CRYL1: variants seen among roughly 807,000 people sequenced by gnomAD.
CRYL1 encodes lambda-crystallin homolog.
Under a neutral mutation model 36.6 loss-of-function variants are expected in CRYL1, and 29 were observed. The observed-to-expected ratio is 0.79, with a 90% CI of 0.59 to 1.08. CRYL1 has a LOEUF of 1.08. CRYL1 is among the 50% of genes least tolerant of loss of function. The pLI is 0.00. For synonymous variants in CRYL1, 152 were observed against 151.5 expected, an observed-to-expected ratio of 1.00 and a Z score of -0.02; for missense variants, 411 against 407.9, an observed-to-expected ratio of 1.01 and a Z score of -0.06.
At chr13:20,471,339 G>A (rs578206450) in intron 3 of CRYL1, among the ~76,000 whole-genome samples, 26 of 152,274 alleles carry the variant, frequency 1.7e-4, no homozygotes, top group Admixed American at 3.9e-4. Context: ...TTGGGAGGCC[G>A]AGGCAGGTGG....
intron 1 of CRYL1, among the ~76,000 whole-genome samples, chr13:20,518,773 G>A (rs2034045619): frequency 2.0e-5 from 3 of 152,142 alleles, no homozygotes; most frequent in Admixed American, 2.0e-4. Flanking sequence ...AGGGGGTGCT[G>A]GAAAGGGGTC....
rs2031914923 is a variant in CRYL1 at position 20,425,559 on chromosome 13, T to G, written c.633+6543A>C. Reference sequence around the variant, plus strand: ...GAGATGGCACCTTCCTGGGTATTCATGCAGAGGTGGAGAACTAGACCCATA... The same window carrying G: ...GAGATGGCACCTTCCTGGGTATTCAGGCAGAGGTGGAGAACTAGACCCATA... On this transcript the variant is annotated intron_variant, in intron 5 of 7. Coordinates refer to ENST00000298248, the MANE Select transcript of CRYL1 (RefSeq NM_015974.3). The surrounding 1 kb of genome is among the most constrained non-coding windows in gnomAD (Gnocchi z 4.4). Among the ~76,000 whole-genome samples, 1 of 152,162 alleles carries G rather than the reference T, an allele frequency of 6.6e-6. No homozygotes were observed. The highest frequency in any genetic ancestry group is 1.5e-5 in the Non-Finnish European group (1 of 68,038).
Position 20,445,065 on chromosome 13 carries a change from GA to G in CRYL1, c.277-5312del, listed in dbSNP as rs200600502. Among the ~76,000 whole-genome samples, 245 of 152,242 alleles carry G rather than the reference GA, an allele frequency of 1.6e-3. 11 individuals carry two copies. The East Asian group carries it at 0.045, about 28-fold the overall frequency. On this transcript the variant is annotated intron_variant, in intron 3 of 7. Coordinates refer to ENST00000298248, the MANE Select transcript of CRYL1 (RefSeq NM_015974.3). ...GGGAATAGCACGAAACATAAAATTGGAGACCCTTTAAGTAAAGAGTGAGTTT... is the reference window on the plus strand; with the variant it reads ...GGGAATAGCACGAAACATAAAATTGGGACCCTTTAAGTAAAGAGTGAGTTT...
chr13:20,497,012 G>A (rs916539204), intron 2 of CRYL1, among the ~76,000 whole-genome samples: 1 of 152,106 alleles, frequency 6.6e-6, no homozygotes, highest in African/African-American at 2.4e-5. Context: ...TAAGGAAAAT[G>A]CCAACGAAAA....
chr13:20,494,270 G>A (rs1271292737), intron 2 of CRYL1, among the ~76,000 whole-genome samples: 2 of 152,228 alleles, frequency 1.3e-5, no homozygotes, highest in South Asian at 2.1e-4. Context: ...GGAGGAATAA[G>A]TGAGATGTTT....
At chr13:20,469,825 C>T (rs1260627059) in intron 3 of CRYL1, among the ~76,000 whole-genome samples, 1 of 152,202 alleles carries the variant, frequency 6.6e-6, no homozygotes, top group East Asian at 1.9e-4. Context: ...CATGGGAAGG[C>T]TTGCTGGCAA....
chr13:20,468,708 T>C lies in CRYL1; in HGVS notation c.276+20662A>G, dbSNP rs4495976. ...GCAACCTCTGCCTCCCGGGTTCGAG[T>C]GATTCTCCTGCCTCAGCCTCCTGAG... is the stretch of plus-strand genomic sequence containing the variant. On this transcript the variant is annotated intron_variant, in intron 3 of 7. Transcript: ENST00000298248. Among the ~76,000 whole-genome samples the C allele has an allele frequency of 0.82, 125,259 of 152,116 alleles. 51,710 individuals are homozygous for C. The highest frequency in any genetic ancestry group is 0.87 in the Admixed American group (13,263 of 15,274).
At chr13:20,493,763 C>T (rs958016712) in intron 2 of CRYL1, among the ~76,000 whole-genome samples, 2 of 152,100 alleles carry the variant, frequency 1.3e-5, no homozygotes, top group African/African-American at 2.4e-5. Flanking sequence ...AAACACAGCC[C>T]GTAGTGGAGT....
intron 5 of CRYL1, among the ~76,000 whole-genome samples, chr13:20,427,911 G>A (rs1388901210): frequency 1.3e-5 from 2 of 151,544 alleles, no homozygotes; most frequent in Non-Finnish European, 2.9e-5. Flanking sequence ...TAAGTTCAAC[G>A]ACTTAGAAGA....
rs770589793 is a variant in CRYL1 at position 20,432,100 on chromosome 13, A to C, written c.633+2T>G. On this transcript the variant is annotated splice_donor_variant, in intron 5 of 7. Coordinates refer to ENST00000298248, the MANE Select transcript of CRYL1 (RefSeq NM_015974.3). LOFTEE classifies it high-confidence loss of function. ...GGAGGGAGAGAGGACGGGCACACAC[A>C]CCTCCACTAGCCGCCAGGCCTCGCT... 6.2e-7 allele frequency: 1 copy of C among 1,613,788 alleles called. No homozygotes were observed. Among genetic ancestry groups the C allele is most frequent in the Non-Finnish European group, 8.5e-7 (1 of 1,179,950 alleles).
At chr13:20,459,997 T>C (rs1307040795) in intron 3 of CRYL1, among the ~76,000 whole-genome samples, 1 of 152,206 alleles carries the variant, frequency 6.6e-6, no homozygotes, top group Admixed American at 6.5e-5. Context: ...TTTTTCCAGT[T>C]TATACAAACA....
At chr13:20,414,699 T>C (rs2031612560) in intron 5 of CRYL1, among the ~76,000 whole-genome samples, 1 of 152,150 alleles carries the variant, frequency 6.6e-6, no homozygotes, top group Non-Finnish European at 1.5e-5. Context: ...AGAGGCAAGT[T>C]GTTATGTATT....
At chr13:20,451,619 A>G (rs962008820) in intron 3 of CRYL1, among the ~76,000 whole-genome samples, 1 of 152,254 alleles carries the variant, frequency 6.6e-6, no homozygotes, top group Admixed American at 6.5e-5. Flanking sequence ...GGCTATTACT[A>G]AAGTTGAAAA....
At chr13:20,510,421 A>G (rs2033892017) in intron 2 of CRYL1, among the ~76,000 whole-genome samples, 1 of 152,200 alleles carries the variant, frequency 6.6e-6, no homozygotes, top group South Asian at 2.1e-4. Context: ...GATTTCAATT[A>G]TATAACATTC....
intron 3 of CRYL1, among the ~76,000 whole-genome samples, chr13:20,459,960 A>G (rs1031872077): frequency 1.3e-5 from 2 of 152,236 alleles, no homozygotes; most frequent in African/African-American, 2.4e-5. Flanking sequence ...TGCCGATTCA[A>G]CCTTCGCTGT....
At chr13:20,517,700 G>A (rs2034025893) in intron 1 of CRYL1, among the ~76,000 whole-genome samples, 1 of 152,086 alleles carries the variant, frequency 6.6e-6, no homozygotes, top group Admixed American at 6.6e-5. Context: ...GCTTTGGGAG[G>A]CCGAGGCGGG....
intron 2 of CRYL1, among the ~76,000 whole-genome samples, chr13:20,505,381 A>AAAAAAAAAAAAAAAAAAAG (rs1292225610): frequency 7.2e-6 from 1 of 138,840 alleles, no homozygotes; most frequent in African/African-American, 2.7e-5. Flanking sequence ...AAAAAAAAAA[A>AAAAAAAAAAAAAAAAAAAG]ATCAGAATAT....
intron 3 of CRYL1, among the ~76,000 whole-genome samples, chr13:20,454,074 G>A (rs1461066255): frequency 1.3e-5 from 2 of 152,068 alleles, no homozygotes; most frequent in Non-Finnish European, 2.9e-5. Flanking sequence ...AACATTTAAA[G>A]AACTACTGCC....
Position 20,432,149 on chromosome 13 carries a change from T to G in CRYL1, c.586A>C (p.Asn196His). 6.2e-7 allele frequency: 1 copy of G among 1,614,122 alleles called. No homozygotes were observed. The highest frequency in any genetic ancestry group is 8.5e-7 in the Non-Finnish European group (1 of 1,180,014). ...VQKEVAGFVL[N>H]RLQYAIISEA... ...CTGATGATTGCATATTGCAGGCGGTTCAGAACGAAGCCGGCCACCTCCTTC... is the reference window on the plus strand; with the variant it reads ...CTGATGATTGCATATTGCAGGCGGTGCAGAACGAAGCCGGCCACCTCCTTC... Residue 196 changes from asparagine (N) to histidine (H), a missense_variant, in exon 5 of 8, where the codon AAC becomes CAC. Physicochemically the swap from Asn to His is moderately conservative, Grantham distance 68. Coordinates refer to ENST00000298248, the MANE Select transcript of CRYL1 (RefSeq NM_015974.3).
Sources: allele counts gnomAD v4.1 joint callset (sites outside exome capture counted in the v4.1 genomes callset), GRCh38; gene constraint gnomAD v4.1.1; non-coding constraint Gnocchi (gnomAD v3.1); transcripts MANE v1.5; gene names NCBI Gene and HGNC (gene_info 2026-07-23, HGNC 2026-07-21).